KAZN: variants seen among roughly 807,000 people sequenced by gnomAD.
KAZN encodes kazrin, periplakin interacting protein.
KAZN carries 40 observed loss-of-function variants against 87.4 expected under a neutral mutation model. The observed-to-expected ratio is 0.46, with a 90% CI of 0.36 to 0.60. The LOEUF (loss-of-function observed/expected upper bound fraction) is 0.60. KAZN is among the 20% of genes least tolerant of loss of function. The pLI is 0.00. For missense variants in KAZN, 898 were observed against 1,073.9 expected, an observed-to-expected ratio of 0.84 and a Z score of 2.29; for synonymous variants, 466 against 458.3, an observed-to-expected ratio of 1.02 and a Z score of -0.22.
At chr1:15,098,413 T>G (rs1320426026) in intron 10 of KAZN, among the ~76,000 whole-genome samples, 1 of 152,216 alleles carries the variant, frequency 6.6e-6, no homozygotes, top group Non-Finnish European at 1.5e-5. Flanking sequence ...AGGAGCACAT[T>G]AATTGTGGGC....
At chr1:14,825,637 T>A (rs939696423) in intron 1 of KAZN, among the ~76,000 whole-genome samples, 10 of 152,138 alleles carry the variant, frequency 6.6e-5, no homozygotes, top group Admixed American at 2.0e-4. Flanking sequence ...CAAGGACACA[T>A]ATCTAGTAAG....
intron 1 of KAZN, among the ~76,000 whole-genome samples, chr1:13,947,651 G>A (rs1289606645): frequency 6.6e-6 from 1 of 152,178 alleles, no homozygotes; most frequent in South Asian, 2.1e-4. Context: ...CAGACTGGGG[G>A]CTTAAACAAC....
intron 2 of KAZN, among the ~76,000 whole-genome samples, chr1:14,310,121 A>G (rs567711390): frequency 1.3e-5 from 2 of 152,236 alleles, no homozygotes; most frequent in African/African-American, 4.8e-5. Context: ...TTTGAAAGAA[A>G]GGTTGGCTTT....
At chr1:14,775,551 C>G (rs1273189249) in intron 1 of KAZN, among the ~76,000 whole-genome samples, 1 of 152,194 alleles carries the variant, frequency 6.6e-6, no homozygotes, top group Non-Finnish European at 1.5e-5. Flanking sequence ...AGAACCTGGG[C>G]TCCTGACACA....
chr1:14,593,344 G>A (rs1454821566), intron 2 of KAZN, among the ~76,000 whole-genome samples: 1 of 152,228 alleles, frequency 6.6e-6, no homozygotes, highest in Non-Finnish European at 1.5e-5. Flanking sequence ...TATCACACCA[G>A]ACAGGGGGAG....
chr1:14,757,625 G>A (rs1019325704), intron 1 of KAZN, among the ~76,000 whole-genome samples: 1 of 152,196 alleles, frequency 6.6e-6, no homozygotes, highest in Non-Finnish European at 1.5e-5. Context: ...TGATATGGAG[G>A]AGAGTCCAGG....
At chr1:14,875,903 C>T (rs1384019767) in intron 1 of KAZN, among the ~76,000 whole-genome samples, 3 of 152,214 alleles carry the variant, frequency 2.0e-5, no homozygotes, top group African/African-American at 4.8e-5. Context: ...TCAGCCCAGG[C>T]ATGACTGCCA....
chr1:14,960,526 C>T (rs564397575), intron 1 of KAZN, among the ~76,000 whole-genome samples, 158 bp from the exon 2 acceptor site: 1 of 152,256 alleles, frequency 6.6e-6, no homozygotes, highest in Admixed American at 6.5e-5. Context: ...GGTGCTGAGG[C>T]TCTTTGGAAT....
At chr1:15,098,467 A>C (rs1160547053) in intron 10 of KAZN, among the ~76,000 whole-genome samples, 1 of 152,212 alleles carries the variant, frequency 6.6e-6, no homozygotes, top group Non-Finnish European at 1.5e-5. Flanking sequence ...CCTCTCGAGT[A>C]GGTTAAGTGG....
At chr1:15,083,134 G>A (rs1361157452) in intron 8 of KAZN, among the ~76,000 whole-genome samples, 1 of 152,148 alleles carries the variant, frequency 6.6e-6, no homozygotes, top group Non-Finnish European at 1.5e-5. Context: ...GATGCCATTT[G>A]AGCAGCAAGT....
At chr1:14,263,078 A>C (rs72644442) in intron 2 of KAZN, among the ~76,000 whole-genome samples, 1 of 152,110 alleles carries the variant, frequency 6.6e-6, no homozygotes, top group Non-Finnish European at 1.5e-5. Context: ...GACTTTTACT[A>C]TGTTACTCTG....
intron 1 of KAZN, among the ~76,000 whole-genome samples, chr1:14,628,453 C>T (rs568802793): frequency 3.9e-5 from 6 of 152,190 alleles, no homozygotes; most frequent in Non-Finnish European, 7.3e-5. Context: ...ATGTGAATTA[C>T]ACTGAAAACC....
chr1:14,662,290 G>T lies in KAZN; in HGVS notation c.226+63067G>T, dbSNP rs141323307. On this transcript the variant is annotated intron_variant, in intron 1 of 14. Transcript: ENST00000376030. ...TGTGGGCACAGGTCCAAAGGAGGCT[G>T]CTGGGACCATCCGCAGTGTCGGGGA... 3.0e-3 allele frequency among the ~76,000 whole-genome samples: 456 copies of T among 152,336 alleles called. 8 individuals are homozygous for T. The highest frequency in any genetic ancestry group is 0.021 in the East Asian group (108 of 5,174).
At chr1:14,882,356 T>G (rs1377161039) in intron 1 of KAZN, among the ~76,000 whole-genome samples, 1 of 152,230 alleles carries the variant, frequency 6.6e-6, no homozygotes, top group East Asian at 1.9e-4. Context: ...GCAGTAACAT[T>G]GAAGCTTCAG....
intron 1 of KAZN, among the ~76,000 whole-genome samples, chr1:13,968,474 A>T (rs1370415253): frequency 6.6e-6 from 1 of 151,858 alleles, no homozygotes; most frequent in Non-Finnish European, 1.5e-5. Flanking sequence ...TCTGACTTTG[A>T]CTCAATCTGC....
chr1:14,350,184 G>A (rs1022654506), intron 2 of KAZN, among the ~76,000 whole-genome samples: 1 of 149,584 alleles, frequency 6.7e-6, no homozygotes, highest in Non-Finnish European at 1.5e-5. Flanking sequence ...AGAACCCCCA[G>A]TCTCCAGGAT....
At chr1:14,525,135 C>T (rs553418457) in intron 2 of KAZN, among the ~76,000 whole-genome samples, 7 of 152,252 alleles carry the variant, frequency 4.6e-5, no homozygotes, top group South Asian at 2.1e-4. Context: ...TATGTATGGA[C>T]GTGTGTTTGA....
intron 1 of KAZN, among the ~76,000 whole-genome samples, chr1:14,610,267 G>T (rs1261213341): frequency 1.3e-5 from 2 of 152,130 alleles, no homozygotes; most frequent in African/African-American, 4.8e-5. Flanking sequence ...GAGTGCAGTG[G>T]CACAATCTCT....
At chr1:14,960,622 A>G in intron 1 of KAZN, 62 bp from the exon 2 acceptor site, 1 of 1,516,866 alleles carries the variant, frequency 6.6e-7, no homozygotes, top group Non-Finnish European at 8.9e-7. Context: ...AACCATCCCC[A>G]GAAAATGCGA....
Sources: gnomAD v4.1 joint callset for allele counts (sites outside exome capture counted in the v4.1 genomes callset) on GRCh38, gnomAD v4.1.1 for gene constraint, MANE v1.5 for transcripts, NCBI Gene and HGNC (gene_info 2026-07-23, HGNC 2026-07-21) for gene names.